KNTC1: variants seen among roughly 807,000 people sequenced by gnomAD.
KNTC1 encodes kinetochore associated 1, also known as kinetochore-associated protein 1.
In KNTC1, 253 loss-of-function variants were observed where a neutral mutation model predicts 314.4. The observed-to-expected ratio is 0.80, with a 90% CI of 0.73 to 0.89. The LOEUF (loss-of-function observed/expected upper bound fraction) is 0.89. Among genes scored for constraint, KNTC1 ranks in the 40% least tolerant of loss-of-function variants. The pLI, the probability that KNTC1 is intolerant of heterozygous loss-of-function variation, is 0.00. For missense variants in KNTC1, 2,475 were observed against 2,572.9 expected (o/e 0.96, Z 0.82); for synonymous variants, 901 against 901.4 (o/e 1.00, Z 0.01).
At chr12:122,533,988 C>A (rs564565484) in intron 2 of KNTC1, among the ~76,000 whole-genome samples, 10 of 152,292 alleles carry the variant, frequency 6.6e-5, no homozygotes, top group South Asian at 6.2e-4. Flanking sequence ...GATCACTTAG[C>A]TAGTAAGGGA....
chr12:122,575,948 A>G (rs1210327424), intron 29 of KNTC1, 49 bp downstream of exon 29: 2 of 1,540,158 alleles, frequency 1.3e-6, no homozygotes, highest in Non-Finnish European at 1.7e-6. Flanking sequence ...TTCTGGGGCA[A>G]TATGGAAAGC....
At chr12:122,556,162 G>A (rs1262467134) in intron 16 of KNTC1, among the ~76,000 whole-genome samples, 1 of 151,842 alleles carries the variant, frequency 6.6e-6, no homozygotes, top group African/African-American at 2.4e-5. Flanking sequence ...GATTACAGAC[G>A]CGCACCACCA....
rs776691721 is a variant in KNTC1, at chr12:122,582,803, G to A, written c.3081G>A (p.Gln1027=). 6.2e-7 allele frequency: 1 copy of A among 1,612,636 alleles called. No homozygotes were observed. The highest frequency in any genetic ancestry group is 8.5e-7 in the Non-Finnish European group (1 of 1,179,320). ...ACATTAAAGCTCACGAAGTTGCACA[G>A]GCGAAACACAAACCTGGGAGCACCC... ...EQHIKAHEVA[Q]AKHKPGSTPE... The change falls in exon 34 of 64, where the codon CAG becomes CAA. Residue 1027 remains glutamine (Q), a synonymous_variant. Coordinates refer to ENST00000333479, the MANE Select transcript of KNTC1 (RefSeq NM_014708.6).
intron 44 of KNTC1, among the ~76,000 whole-genome samples, chr12:122,600,949 A>C (rs995875086): frequency 6.6e-6 from 1 of 152,196 alleles, no homozygotes; most frequent in Non-Finnish European, 1.5e-5. Context: ...TACAGGCAAG[A>C]GCATCCTTCT....
chr12:122,625,569 A>G (rs1449806652), intron 63 of KNTC1, among the ~76,000 whole-genome samples: 1 of 151,954 alleles, frequency 6.6e-6, no homozygotes, highest in Non-Finnish European at 1.5e-5. Flanking sequence ...CTCATCTCAA[A>G]AAATCAAAAC....
At position 122,588,751 on chromosome 12, in the gene KNTC1, G is replaced by C. The variant is rs370647423; in HGVS notation, c.3934G>C (p.Val1312Leu). ...TACATTAGTTAAATCAAGGCATGTT[G>C]TTATGGAATTGAAAGAAAAAGCTGT... ...ETTLVKSRHV[V>L]MELKEKAVIF... The change falls in exon 40 of 64, where the codon GTT becomes CTT. Residue 1312 changes from valine (V) to leucine (L), a missense_variant. Coordinates refer to ENST00000333479, the MANE Select transcript of KNTC1 (RefSeq NM_014708.6). 3.8e-6 allele frequency: 6 copies of C among 1,560,328 alleles called. No individual in the cohort carries two copies. Among genetic ancestry groups the C allele is most frequent in the Non-Finnish European group, 5.2e-6 (6 of 1,152,218 alleles).
Position 122,557,447 on chromosome 12 carries a change from A to T in KNTC1, c.1336A>T (p.Ser446Cys), listed in dbSNP as rs780724401. Residue 446 changes from serine to cysteine, a missense_variant, in exon 17 of 64, where the codon AGT (serine) becomes TGT (cysteine). Ser to Cys is a moderately radical substitution (Grantham distance 112). Coordinates refer to ENST00000333479, the MANE Select transcript of KNTC1 (RefSeq NM_014708.6). ...EKLALSSVDASEQTEWQQLVD... is the reference protein window; with the variant it reads ...EKLALSSVDACEQTEWQQLVD... ...ACTGGCATTGAGTTCTGTGGATGCC[A>T]GTGAACAGACCGAATGGCAACAACT... 1.9e-6 allele frequency: 3 copies of T among 1,613,838 alleles called. No individual in the cohort carries two copies. The South Asian group carries it at 3.3e-5, about 18-fold the overall frequency.
chr12:122,601,799 C>T, intron 45 of KNTC1, 174 bp downstream of exon 45: 3 of 651,408 alleles, frequency 4.6e-6, no homozygotes, highest in South Asian at 3.5e-5. Flanking sequence ...AAAAGATTTT[C>T]ATGACATTCC....
At chr12:122,613,846 G>T (rs1033862509) in intron 55 of KNTC1, 85 bp downstream of exon 55, 24 of 1,361,436 alleles carry the variant, frequency 1.8e-5, no homozygotes, top group Non-Finnish European at 4.8e-6. Flanking sequence ...TCTTTTTGTT[G>T]TTGTTGTTGT....
chr12:122,530,206 C>T lies in KNTC1; in HGVS notation c.129+14C>T. 1 of 1,609,110 alleles carries T rather than the reference C, an allele frequency of 6.2e-7. No individual in the cohort carries two copies. The highest frequency in any genetic ancestry group is 8.5e-7 in the Non-Finnish European group (1 of 1,176,928). On this transcript the variant is annotated intron_variant, in intron 2 of 63. Transcript: ENST00000333479. ...TCTTCTGAAAAGGTAGTGATTATTA[C>T]ACTGACTGTTTCATTCACAGAATTT...
intron 56 of KNTC1, 26 bp downstream of exon 56, chr12:122,615,112 T>A: frequency 6.6e-7 from 1 of 1,505,306 alleles, no homozygotes; most frequent in Non-Finnish European, 9.2e-7. Flanking sequence ...TGCCCTCGAC[T>A]AAGTATATTT....
At chr12:122,624,032 C>T (rs1874731378) in intron 62 of KNTC1, among the ~76,000 whole-genome samples, 3 of 152,136 alleles carry the variant, frequency 2.0e-5, no homozygotes. Flanking sequence ...CGCACCATTG[C>T]ACTCCAGCCT....
intron 43 of KNTC1, among the ~76,000 whole-genome samples, chr12:122,595,781 G>T (rs1024350764): frequency 7.2e-5 from 11 of 152,104 alleles, no homozygotes; most frequent in African/African-American, 2.2e-4. Context: ...GATGTTTTAT[G>T]GTGCAGGACA....
rs1961999644 is a variant in KNTC1, at chr12:122,538,197, T to C, written c.251-142T>C. 3 of 590,640 alleles carry C rather than the reference T, an allele frequency of 5.1e-6. No individual in the cohort carries two copies. The Admixed American group carries it at 9.0e-5, about 18-fold the overall frequency. 36.6% of individuals were successfully genotyped at this position (590,640 alleles called of 1,614,324 possible). A position where few individuals can be genotyped will look rare whatever the true frequency, so the allele number is the denominator to read the frequency against. On this transcript the variant is annotated intron_variant, in intron 3 of 63. Transcript: ENST00000333479. ...GAATAAAAGTCAACAACATTCTTTT[T>C]TACTTTCATCACATCTGTTTTGCAG... is the stretch of plus-strand genomic sequence containing the variant.
chr12:122,527,868 C>G (rs1360550928), intron 1 of KNTC1, among the ~76,000 whole-genome samples: 1 of 152,210 alleles, frequency 6.6e-6, no homozygotes, highest in East Asian at 1.9e-4. Context: ...TCACCTCCTT[C>G]CCTTCCCAAA....
chr12:122,558,423 G>T (rs538429432), intron 18 of KNTC1, among the ~76,000 whole-genome samples: 5 of 151,592 alleles, frequency 3.3e-5, no homozygotes, highest in Admixed American at 1.3e-4. Flanking sequence ...GTGGTGTCAC[G>T]CGCCTGTAGT....
chr12:122,528,935 C>T (rs1369125474), intron 1 of KNTC1, among the ~76,000 whole-genome samples: 2 of 152,078 alleles, frequency 1.3e-5, no homozygotes, highest in Non-Finnish European at 1.5e-5. Flanking sequence ...CTCCGCCTCC[C>T]GGGTTCAAGC....
At chr12:122,597,423 AT>A in intron 43 of KNTC1, 1 of 306,714 alleles carries the variant, frequency 3.3e-6, no homozygotes, top group Non-Finnish European at 6.4e-6. Flanking sequence ...TAATTTTTGT[AT>A]TTTTAGTAGA....
intron 41 of KNTC1, 47 bp downstream of exon 41, chr12:122,590,782 T>C: frequency 4.5e-6 from 7 of 1,564,960 alleles, no homozygotes; most frequent in Admixed American, 1.8e-5. Context: ...TATTCAAGAT[T>C]GGGGGGGAGA....
Sources: allele counts gnomAD v4.1 joint callset (sites outside exome capture counted in the v4.1 genomes callset), GRCh38; gene constraint gnomAD v4.1.1; transcripts MANE v1.5; gene names NCBI Gene and HGNC (gene_info 2026-07-23, HGNC 2026-07-21).